The following ABCB5 variants were observed in gnomAD, a reference collection of about 807,000 sequenced individuals.
ABCB5 encodes ATP-binding cassette sub-family B member 5.
Under a neutral mutation model 144.2 loss-of-function variants are expected in ABCB5, and 155 were observed. The ratio of observed to expected loss-of-function variants is 1.08; its 90% CI spans 0.94 to 1.23. ABCB5 has a LOEUF of 1.23. Among genes scored for constraint, ABCB5 ranks in the 50% most tolerant of loss-of-function variants. The probability of loss-of-function intolerance (pLI) is 0.00; values close to 1 mark genes in which losing one functional copy is unlikely to be tolerated. For missense variants in ABCB5, 1,830 were observed against 1,520.8 expected (o/e 1.20, Z -3.38); for synonymous variants, 610 against 528.6 (o/e 1.15, Z -2.11).
At chr7:20,672,483 T>C (rs1169916578) in intron 14 of ABCB5, among the ~76,000 whole-genome samples, 2 of 152,130 alleles carry the variant, frequency 1.3e-5, no homozygotes, top group African/African-American at 4.8e-5. Flanking sequence ...GACAGGTTGA[T>C]AGGTGCAGCA....
At chr7:20,619,135 C>G (rs1783754777) in intron 1 of ABCB5, among the ~76,000 whole-genome samples, 1 of 152,064 alleles carries the variant, frequency 6.6e-6, no homozygotes, top group Admixed American at 6.5e-5. Context: ...TTCCATGTGT[C>G]TGCTATTGTG....
At chr7:20,742,186 C>A (rs1782583184) in intron 24 of ABCB5, among the ~76,000 whole-genome samples, 1 of 151,836 alleles carries the variant, frequency 6.6e-6, no homozygotes, top group African/African-American at 2.4e-5. Flanking sequence ...CCAGCCTGGG[C>A]AACATAGTGA....
At chr7:20,656,786 A>C (rs1233464164) in intron 13 of ABCB5, among the ~76,000 whole-genome samples, 1 of 152,200 alleles carries the variant, frequency 6.6e-6, no homozygotes, top group African/African-American at 2.4e-5. Flanking sequence ...TGACCACAAA[A>C]ATATCTTGTA....
intron 1 of ABCB5, among the ~76,000 whole-genome samples, chr7:20,616,271 G>A (rs1419866191): frequency 6.6e-6 from 1 of 152,148 alleles, no homozygotes; most frequent in East Asian, 1.9e-4. Context: ...CCTGACCTCA[G>A]ATGATCCAGC....
intron 26 of ABCB5, among the ~76,000 whole-genome samples, chr7:20,748,986 C>T (rs1333840147): frequency 6.6e-6 from 1 of 152,156 alleles, no homozygotes; most frequent in Admixed American, 6.5e-5. Flanking sequence ...GTGGATTGAC[C>T]AATCTGCCAT....
intron 13 of ABCB5, among the ~76,000 whole-genome samples, chr7:20,655,078 C>A (rs1784730709): frequency 6.8e-6 from 1 of 146,134 alleles, no homozygotes. Flanking sequence ...TGTAGCAAAG[C>A]TGAAAAAAGA....
intron 20 of ABCB5, among the ~76,000 whole-genome samples, chr7:20,710,874 G>C (rs1292275983): frequency 6.7e-6 from 1 of 149,638 alleles, no homozygotes; most frequent in South Asian, 2.2e-4. Flanking sequence ...CCTTCTTTTG[G>C]ATTAAAATTT....
chr7:20,733,475 A>C (rs1418587465), intron 23 of ABCB5, among the ~76,000 whole-genome samples: 1 of 152,062 alleles, frequency 6.6e-6, no homozygotes, highest in Admixed American at 6.6e-5. Context: ...TTCTAGATAC[A>C]TAAGCATTTT....
chr7:20,643,696 G>A (rs577632119), intron 7 of ABCB5, 64 bp downstream of exon 7: 1 of 1,565,786 alleles, frequency 6.4e-7, no homozygotes, highest in South Asian at 1.1e-5. Flanking sequence ...GACTCACTGA[G>A]TTTGTTCAAA....
chr7:20,711,778 C>CTCTTTTCTTTCTT (rs1787048624), intron 20 of ABCB5, among the ~76,000 whole-genome samples: 1 of 47,110 alleles, frequency 2.1e-5, no homozygotes, highest in Non-Finnish European at 3.6e-5. Context: ...TTCCTTCTTT[C>CTCTTTTCTTTCTT]TCTTTCTTTC....
At chr7:20,695,480 A>G (rs1206473458) in intron 16 of ABCB5, among the ~76,000 whole-genome samples, 1 of 151,950 alleles carries the variant, frequency 6.6e-6, no homozygotes, top group African/African-American at 2.4e-5. Flanking sequence ...AAAATGCAAT[A>G]AAAAAATCTT....
intron 20 of ABCB5, among the ~76,000 whole-genome samples, chr7:20,714,355 A>AAAT (rs971589061): frequency 1.5e-4 from 23 of 152,266 alleles, no homozygotes; most frequent in African/African-American, 5.3e-4. Context: ...TTTCAAAAAA[A>AAAT]AAACCTGTAT....
At chr7:20,632,473 T>A (rs1237553310) in intron 5 of ABCB5, among the ~76,000 whole-genome samples, 1 of 152,184 alleles carries the variant, frequency 6.6e-6, no homozygotes, top group African/African-American at 2.4e-5. Context: ...TTGAAAATTC[T>A]ATTTCCTTAC....
chr7:20,673,956 T>C (rs1257749611), intron 14 of ABCB5, among the ~76,000 whole-genome samples: 2 of 151,892 alleles, frequency 1.3e-5, no homozygotes. Flanking sequence ...GGCTTTAGAG[T>C]TTATGGTGTA....
intron 14 of ABCB5, among the ~76,000 whole-genome samples, chr7:20,669,840 G>A (rs1013139809): frequency 6.7e-6 from 1 of 149,670 alleles, no homozygotes; most frequent in Non-Finnish European, 1.5e-5. Context: ...TTTTGCCTTC[G>A]CGGTTGTCAG....
chr7:20,621,194 T>C (rs1239809560), intron 1 of ABCB5, among the ~76,000 whole-genome samples: 9 of 152,026 alleles, frequency 5.9e-5, no homozygotes, highest in Admixed American at 5.9e-4. Context: ...GTCAAATTCA[T>C]AGACCCAGTA....
chr7:20,673,454 A>G (rs1020102017), intron 14 of ABCB5, among the ~76,000 whole-genome samples: 1 of 152,100 alleles, frequency 6.6e-6, no homozygotes, highest in African/African-American at 2.4e-5. Context: ...TATTACACAC[A>G]TAAATATTTA....
intron 20 of ABCB5, among the ~76,000 whole-genome samples, chr7:20,719,502 A>G (rs1045535098): frequency 2.6e-5 from 4 of 152,234 alleles, no homozygotes; most frequent in Admixed American, 6.5e-5. Context: ...TCCAAAGTAT[A>G]CACTTTAATG....
chr7:20,659,305 C>A (rs780202437), intron 14 of ABCB5: 24 of 1,426,280 alleles, frequency 1.7e-5, no homozygotes, highest in African/African-American at 5.7e-5. Flanking sequence ...TTCTCGATGG[C>A]CTGACTCCCT....
Sources: gnomAD v4.1 joint callset for allele counts (sites outside exome capture counted in the v4.1 genomes callset) on GRCh38, gnomAD v4.1.1 for gene constraint, MANE v1.5 for transcripts, NCBI Gene and HGNC (gene_info 2026-07-23, HGNC 2026-07-21) for gene names.